Variants in MYO16 observed in about 807,000 individuals in gnomAD.
MYO16 encodes the protein myosin XVI.
Under a neutral mutation model 205.3 loss-of-function variants are expected in MYO16, and 94 were observed. The observed-to-expected ratio is 0.46, with a 90% CI of 0.39 to 0.54. The LOEUF is 0.54. Ranked by LOEUF, MYO16 falls within the 20% of genes least tolerant of loss-of-function variation. MYO16 has a pLI of 0.00. For missense variants in MYO16, 2,315 were observed against 2,387.5 expected, an observed-to-expected ratio of 0.97 and a Z score of 0.63; for synonymous variants, 988 against 954.0, an observed-to-expected ratio of 1.04 and a Z score of -0.66.
At chr13:108,585,599 T>C in the MYO16 span, among the ~76,000 whole-genome samples, 2 of 152,200 alleles carry the variant, frequency 1.3e-5, no homozygotes, top group African/African-American at 4.8e-5. Context: ...GGATTCTCTA[T>C]AGAATGTGGA....
chr13:108,728,973 T>G (rs1193137454), intron 4 of MYO16, among the ~76,000 whole-genome samples: 4 of 123,764 alleles, frequency 3.2e-5, no homozygotes, highest in African/African-American at 1.2e-4. Context: ...CCTTCAAGAA[T>G]ATGTACACTT....
intron 20 of MYO16, among the ~76,000 whole-genome samples, chr13:108,966,581 C>T (rs1883800099): frequency 6.6e-6 from 1 of 152,124 alleles, no homozygotes; most frequent in Admixed American, 6.5e-5. Context: ...ATGGTCTTAT[C>T]TTTTAAAACT....
chr13:109,077,443 C>T (rs993733541), intron 27 of MYO16, among the ~76,000 whole-genome samples: 44 of 152,168 alleles, frequency 2.9e-4, no homozygotes, highest in African/African-American at 1.0e-3. Context: ...AAATCCCCTA[C>T]CAGAGGGTTA....
At position 108,849,886 on chromosome 13, in the gene MYO16, C is replaced by CT. The variant is rs71204888; in HGVS notation, c.1248+5406dup. ...TCCTCCAAATCCTGTTGAATTTCCT[C>CT]TTTTTTTTTTTTTAACTCATCCATA... On this transcript the variant is annotated intron_variant, in intron 10 of 34. Transcript: ENST00000457511. Among the ~76,000 whole-genome samples, 818 of 114,086 alleles carry CT rather than the reference C, an allele frequency of 7.2e-3. 18 individuals are homozygous for CT. Among genetic ancestry groups the CT allele is most frequent in the Middle Eastern group, 0.021 (4 of 192 alleles). The allele number at this position is 114,086 out of a possible 152,430, so 74.8% of individuals were successfully genotyped here.
At position 108,783,734 on chromosome 13, in the gene MYO16, A is replaced by T. The variant is rs150443656; in HGVS notation, c.508-1901A>T. Among the ~76,000 whole-genome samples, 317 of 152,260 alleles carry T rather than the reference A, an allele frequency of 2.1e-3. 2 individuals carry two copies. The highest frequency in any genetic ancestry group is 7.4e-3 in the African/African-American group (308 of 41,550). Reference sequence around the variant, plus strand: ...CATGCTATTCTCGTGATAGTGAATAAGTCTCATGAGATCTGATGGGTTTAT... The same window carrying T: ...CATGCTATTCTCGTGATAGTGAATATGTCTCATGAGATCTGATGGGTTTAT... On this transcript the variant is annotated intron_variant, in intron 4 of 34. Coordinates refer to ENST00000457511, the MANE Select transcript of MYO16 (RefSeq NM_001198950.3).
At chr13:109,190,283 AATTTTAC>A (rs1879856397) in intron 34 of MYO16, among the ~76,000 whole-genome samples, 1 of 152,150 alleles carries the variant, frequency 6.6e-6, no homozygotes, top group African/African-American at 2.4e-5. Flanking sequence ...TTAGCAATGT[AATTTTAC>A]ATTTTTTCTG....
chr13:108,704,390 A>G (rs1212687400), intron 2 of MYO16, among the ~76,000 whole-genome samples: 2 of 152,220 alleles, frequency 1.3e-5, no homozygotes, highest in Admixed American at 6.5e-5. Flanking sequence ...TTTGCTGGGA[A>G]TGATGGTTTC....
At chr13:108,855,870 A>G (rs1462747860) in intron 11 of MYO16, among the ~76,000 whole-genome samples, 2 of 152,090 alleles carry the variant, frequency 1.3e-5, no homozygotes, top group East Asian at 3.9e-4. Context: ...CACATGACTT[A>G]TAAAATTGCT....
upstream of MYO16, among the ~76,000 whole-genome samples, chr13:108,627,972 G>A (rs890917157): frequency 2.6e-5 from 4 of 152,078 alleles, no homozygotes; most frequent in African/African-American, 7.3e-5. Context: ...CTTACCCGAA[G>A]ATACATTAGA....
chr13:108,703,597 A>G (rs1883390330), intron 2 of MYO16, among the ~76,000 whole-genome samples: 1 of 152,060 alleles, frequency 6.6e-6, no homozygotes, highest in South Asian at 2.1e-4. Flanking sequence ...ACAGCAGAAC[A>G]CTCCTTCTTC....
At chr13:109,175,240 G>A (rs1290617732) in intron 33 of MYO16, among the ~76,000 whole-genome samples, 1 of 152,194 alleles carries the variant, frequency 6.6e-6, no homozygotes, top group Non-Finnish European at 1.5e-5. Flanking sequence ...CTGCAGGAAG[G>A]TTTAACTTTC....
At chr13:108,828,738 G>A (rs1219130575) in intron 9 of MYO16, among the ~76,000 whole-genome samples, 1 of 152,094 alleles carries the variant, frequency 6.6e-6, no homozygotes, top group African/African-American at 2.4e-5. Context: ...CAAACATGTG[G>A]CCAATGATGG....
At chr13:108,573,174 G>A in the MYO16 span, among the ~76,000 whole-genome samples, 3 of 152,166 alleles carry the variant, frequency 2.0e-5, no homozygotes, top group Non-Finnish European at 2.9e-5. Flanking sequence ...TTGAAGCAGA[G>A]GTCCAGGAGA....
chr13:108,890,150 C>T (rs1378521751), intron 14 of MYO16, among the ~76,000 whole-genome samples: 1 of 109,370 alleles, frequency 9.1e-6, no homozygotes, highest in African/African-American at 3.6e-5. Context: ...TCCTGTGTTT[C>T]CCAAGCTGGT....
chr13:108,946,225 C>G (rs1445699191), intron 16 of MYO16, among the ~76,000 whole-genome samples: 1 of 151,920 alleles, frequency 6.6e-6, no homozygotes, highest in African/African-American at 2.4e-5. Flanking sequence ...ACTAAACTCT[C>G]TTTACTAGAT....
At chr13:109,078,053 T>C (rs568789499) in intron 27 of MYO16, among the ~76,000 whole-genome samples, 10 of 152,290 alleles carry the variant, frequency 6.6e-5, no homozygotes, top group African/African-American at 2.2e-4. Context: ...TTTAATCTTC[T>C]GTTCATCCAA....
At chr13:108,771,253 G>GGA (rs1309436398) in intron 4 of MYO16, among the ~76,000 whole-genome samples, 1 of 152,018 alleles carries the variant, frequency 6.6e-6, no homozygotes, top group African/African-American at 2.4e-5. Context: ...AATTTGCTAC[G>GGA]GAGAGAGAAA....
intron 27 of MYO16, among the ~76,000 whole-genome samples, chr13:109,095,069 G>T (rs780798919): frequency 6.6e-6 from 1 of 152,158 alleles, no homozygotes; most frequent in Admixed American, 6.5e-5. Flanking sequence ...CTGAGTAAGT[G>T]AACCACAAAC....
intron 4 of MYO16, among the ~76,000 whole-genome samples, chr13:108,777,063 A>AT (rs553426266): frequency 8.9e-4 from 135 of 152,246 alleles, no homozygotes; most frequent in African/African-American, 3.2e-3. Flanking sequence ...AGTCTCCTGC[A>AT]TGCCACCTTT....
Sources: allele counts gnomAD v4.1 joint callset (sites outside exome capture counted in the v4.1 genomes callset), GRCh38; gene constraint gnomAD v4.1.1; transcripts MANE v1.5; gene names NCBI Gene and HGNC (gene_info 2026-07-23, HGNC 2026-07-21).